STAG1: variants seen among roughly 807,000 people sequenced by gnomAD.
STAG1 encodes STAG1 cohesin complex component.
In STAG1, 26 loss-of-function variants were observed where a neutral mutation model predicts 170.9. That is an observed-to-expected ratio of 0.15 (90% CI 0.11 to 0.21). The LOEUF (loss-of-function observed/expected upper bound fraction) is 0.21. Among genes scored for constraint, STAG1 ranks in the 10% least tolerant of loss-of-function variants. The pLI, the probability that STAG1 is intolerant of heterozygous loss-of-function variation, is 1.00. For synonymous variants in STAG1, 514 were observed against 497.7 expected (o/e 1.03, Z -0.44); for missense variants, 964 against 1,509.5 (o/e 0.64, Z 5.99).
chr3:136,479,020 C>T (rs2089842014), intron 9 of STAG1, among the ~76,000 whole-genome samples: 1 of 150,368 alleles, frequency 6.7e-6, no homozygotes. Flanking sequence ...TACCTGGCAT[C>T]CATTAATCCT....
intron 1 of STAG1, among the ~76,000 whole-genome samples, chr3:136,704,690 G>A (rs1468913485): frequency 2.0e-5 from 3 of 151,830 alleles, no homozygotes; most frequent in East Asian, 3.9e-4. Context: ...TTAGCCAGGC[G>A]TGGTGGCATG....
intron 6 of STAG1, among the ~76,000 whole-genome samples, chr3:136,525,398 T>A (rs1454509781): frequency 6.6e-6 from 1 of 152,040 alleles, no homozygotes; most frequent in Non-Finnish European, 1.5e-5. Flanking sequence ...TGTTTATAGT[T>A]TTCTCTGACG....
chr3:136,671,698 C>T (rs1941985598), intron 1 of STAG1, among the ~76,000 whole-genome samples: 1 of 152,030 alleles, frequency 6.6e-6, no homozygotes, highest in Non-Finnish European at 1.5e-5. Flanking sequence ...CGACACTAGC[C>T]TGGGCAACAT....
intron 1 of STAG1, among the ~76,000 whole-genome samples, chr3:136,687,989 G>A (rs1398314112): frequency 3.3e-5 from 5 of 151,996 alleles, no homozygotes; most frequent in Admixed American, 2.6e-4. Flanking sequence ...CACCCGCCTC[G>A]ACCTCCCAAA....
chr3:136,349,399 G>A (rs974100321), intron 28 of STAG1, 36 bp from the exon 29 acceptor site: 2 of 1,526,686 alleles, frequency 1.3e-6, no homozygotes, highest in Non-Finnish European at 1.8e-6. Context: ...GATTTTCAGA[G>A]AAGCAGTTCA....
chr3:136,674,835 TCTTC>T (rs1942084365), intron 1 of STAG1, among the ~76,000 whole-genome samples: 1 of 152,206 alleles, frequency 6.6e-6, no homozygotes, highest in African/African-American at 2.4e-5. Flanking sequence ...ATTAGTTCTG[TCTTC>T]CTGTTTCCTT....
chr3:136,689,235 C>A (rs1334408804), intron 1 of STAG1, among the ~76,000 whole-genome samples: 1 of 152,156 alleles, frequency 6.6e-6, no homozygotes, highest in Non-Finnish European at 1.5e-5. Flanking sequence ...ATATTGCATA[C>A]CCATGGGAAG....
At chr3:136,565,059 AGGGAGGGAGGGAGGGAGGG>A (rs1937016003) in intron 5 of STAG1, among the ~76,000 whole-genome samples, 1 of 9,478 alleles carries the variant, frequency 1.1e-4, no homozygotes, top group African/African-American at 6.3e-4. Flanking sequence ...GGAGGGAGGG[AGGGAGGGAGGGAGGGAGGG>A]AGGGAGGGAG....
intron 3 of STAG1, among the ~76,000 whole-genome samples, 200 bp downstream of exon 3, chr3:136,622,946 G>A (rs889528221): frequency 5.3e-5 from 8 of 152,140 alleles, no homozygotes; most frequent in African/African-American, 1.7e-4. Context: ...AAGAGAAGGA[G>A]GGCAACAAAA....
chr3:136,538,434 T>TTTA (rs1935745852), intron 6 of STAG1, among the ~76,000 whole-genome samples: 1 of 151,662 alleles, frequency 6.6e-6, no homozygotes, highest in African/African-American at 2.4e-5. Context: ...TTTTCTTTTT[T>TTTA]GAGAGAGAGC....
At chr3:136,401,493 T>C (rs186966628) in intron 21 of STAG1, among the ~76,000 whole-genome samples, 1 of 152,344 alleles carries the variant, frequency 6.6e-6, no homozygotes, top group Admixed American at 6.5e-5. Flanking sequence ...CTACTAGTCA[T>C]TGACAGTTGC....
At chr3:136,568,431 T>G (rs1024059681) in intron 5 of STAG1, among the ~76,000 whole-genome samples, 1 of 152,082 alleles carries the variant, frequency 6.6e-6, no homozygotes, top group African/African-American at 2.4e-5. Flanking sequence ...CTAGCACACT[T>G]CCCAATATGG....
At chr3:136,424,521 G>T (rs184504269) in intron 16 of STAG1, among the ~76,000 whole-genome samples, 51 of 152,072 alleles carry the variant, frequency 3.4e-4, no homozygotes, top group African/African-American at 5.8e-4. Context: ...TTTTGGTAGA[G>T]ACGGGTTTTC....
At chr3:136,689,475 C>CTA (rs1559952787) in intron 1 of STAG1, among the ~76,000 whole-genome samples, 1 of 152,146 alleles carries the variant, frequency 6.6e-6, no homozygotes, top group Non-Finnish European at 1.5e-5. Flanking sequence ...AAATTATATA[C>CTA]TATAGTTAAC....
intron 6 of STAG1, among the ~76,000 whole-genome samples, chr3:136,534,803 G>A (rs1935544187): frequency 6.6e-6 from 1 of 152,200 alleles, no homozygotes; most frequent in African/African-American, 2.4e-5. Context: ...TGGTGGGAAT[G>A]TAAATTAGTA....
At chr3:136,723,831 T>A (rs1163780793) in intron 1 of STAG1, among the ~76,000 whole-genome samples, 3 of 113,764 alleles carry the variant, frequency 2.6e-5, no homozygotes, top group East Asian at 3.0e-4. Flanking sequence ...GGGAGGGAGG[T>A]GGGGGGGTCA....
At chr3:136,574,495 T>C (rs1388259132) in intron 4 of STAG1, among the ~76,000 whole-genome samples, 1 of 152,206 alleles carries the variant, frequency 6.6e-6, no homozygotes. Context: ...TACACACATA[T>C]ACACACACCA....
chr3:136,633,064 C>G (rs1940394852), intron 1 of STAG1, among the ~76,000 whole-genome samples: 1 of 151,886 alleles, frequency 6.6e-6, no homozygotes, highest in African/African-American at 2.4e-5. Flanking sequence ...TTTTAACAGT[C>G]AGTAAAATCA....
At chr3:136,682,525 A>G (rs151316918) in intron 1 of STAG1, among the ~76,000 whole-genome samples, 449 of 151,856 alleles carry the variant, frequency 3.0e-3, no homozygotes, top group Middle Eastern at 0.017. Context: ...AACACTTTTT[A>G]TAACCAATAA....
Sources: allele counts gnomAD v4.1 joint callset (sites outside exome capture counted in the v4.1 genomes callset), GRCh38; gene constraint gnomAD v4.1.1; transcripts MANE v1.5; gene names NCBI Gene and HGNC (gene_info 2026-07-23, HGNC 2026-07-21).